Variants in WDPCP observed in about 807,000 individuals in gnomAD.
The protein encoded by WDPCP is WD repeat containing planar cell polarity effector.
WDPCP carries 71 observed loss-of-function variants against 93.1 expected under a neutral mutation model. That is an observed-to-expected ratio of 0.76 (90% confidence interval 0.63 to 0.93). WDPCP has a LOEUF of 0.93. Ranked by LOEUF, WDPCP falls within the 40% of genes least tolerant of loss-of-function variation. The probability of loss-of-function intolerance (pLI) is 0.00; values close to 1 mark genes in which losing one functional copy is unlikely to be tolerated. For synonymous variants in WDPCP, 315 were observed against 315.0 expected, an observed-to-expected ratio of 1.00 and a Z score of 0.00; for missense variants, 844 against 887.4, an observed-to-expected ratio of 0.95 and a Z score of 0.62.
At chr2:63,313,175 T>C in intron 13 of WDPCP, 73 bp downstream of exon 13, 2 of 1,426,626 alleles carry the variant, frequency 1.4e-6, no homozygotes, top group East Asian at 2.4e-5. Context: ...ACAGTAATCC[T>C]TTTTATGGTC....
chr2:63,203,661 G>A (rs1458990731), intron 14 of WDPCP, among the ~76,000 whole-genome samples: 1 of 151,964 alleles, frequency 6.6e-6, no homozygotes, highest in African/African-American at 2.4e-5. Flanking sequence ...ACCCTTCCCA[G>A]CCTCTGGTAA....
At chr2:63,585,110 A>C (rs1575704503) in intron 1 of WDPCP, among the ~76,000 whole-genome samples, 1 of 152,218 alleles carries the variant, frequency 6.6e-6, no homozygotes, top group Non-Finnish European at 1.5e-5. Context: ...AAATGTGTAC[A>C]AATTGTGTAT....
At chr2:63,419,593 C>G (rs1695692936) in intron 9 of WDPCP, among the ~76,000 whole-genome samples, 1 of 152,024 alleles carries the variant, frequency 6.6e-6, no homozygotes, top group African/African-American at 2.4e-5. Flanking sequence ...TAGAATTGAT[C>G]CAAATGCCAT....
intron 15 of WDPCP, among the ~76,000 whole-genome samples, chr2:63,166,385 C>T (rs1013213343): frequency 2.1e-5 from 3 of 144,684 alleles, no homozygotes; most frequent in African/African-American, 7.7e-5. Flanking sequence ...TTGTTGGATA[C>T]GTAGTAGGTG....
At chr2:63,419,542 T>C (rs1695690345) in intron 9 of WDPCP, among the ~76,000 whole-genome samples, 1 of 152,194 alleles carries the variant, frequency 6.6e-6, no homozygotes, top group Non-Finnish European at 1.5e-5. Context: ...ACTGAAATGA[T>C]TCATTTTCAT....
chr2:63,412,687 G>A (rs1419257869), intron 9 of WDPCP, among the ~76,000 whole-genome samples: 1 of 152,030 alleles, frequency 6.6e-6, no homozygotes, highest in Admixed American at 6.6e-5. Flanking sequence ...CAAAGTTTCT[G>A]TATACAAGAT....
intron 3 of WDPCP, chr2:63,622,085 G>GT: frequency 2.1e-6 from 1 of 472,314 alleles, no homozygotes; most frequent in South Asian, 7.7e-5. Flanking sequence ...TTTTTTTTTT[G>GT]GAAGTTGATT....
intron 1 of WDPCP, among the ~76,000 whole-genome samples, chr2:63,514,621 CATTT>C (rs1347444146): frequency 2.0e-5 from 3 of 152,114 alleles, no homozygotes; most frequent in African/African-American, 7.2e-5. Flanking sequence ...CCACAGTTAG[CATTT>C]ATTATTTAGG....
At chr2:63,184,089 A>C (rs1674449557) in intron 14 of WDPCP, among the ~76,000 whole-genome samples, 1 of 152,076 alleles carries the variant, frequency 6.6e-6, no homozygotes, top group Non-Finnish European at 1.5e-5. Flanking sequence ...CTGCCAATCT[A>C]TACCTTTTAA....
Position 63,435,786 on chromosome 2 carries a change from C to T in WDPCP, c.633+1635G>A, listed in dbSNP as rs72815396. Among the ~76,000 whole-genome samples, 490 of 152,028 alleles carry T rather than the reference C, an allele frequency of 3.2e-3. 1 individual carries two copies. The highest frequency in any genetic ancestry group is 4.7e-3 in the Non-Finnish European group (318 of 67,924). ...AAAATATACATTTTAAATATTAAAC[C>T]AGGAAATGAAATTAATGAGTTTTCC... is the stretch of plus-strand genomic sequence containing the variant. On this transcript the variant is annotated intron_variant, in intron 8 of 17. Coordinates refer to ENST00000272321, the MANE Select transcript of WDPCP (RefSeq NM_015910.7).
Position 63,404,184 on chromosome 2 carries a change from A to G in WDPCP, c.1299T>C (p.Asp433=), listed in dbSNP as rs1270416996. ...GCATTTGAACAAGACTGCTGGAGGCATCAAATAATTTACTGAATTGCAGAG... is the reference window on the plus strand; with the variant it reads ...GCATTTGAACAAGACTGCTGGAGGCGTCAAATAATTTACTGAATTGCAGAG... ...RETLQFSKLF[D]ASSSLVQMQW... The change falls in exon 10 of 18, where the codon GAT becomes GAC. Residue 433 remains aspartate (D), a synonymous_variant. Transcript: ENST00000272321. The G allele has an allele frequency of 1.2e-6, 2 of 1,613,964 alleles. No individual in the cohort carries two copies. The highest frequency in any genetic ancestry group is 8.5e-7 in the Non-Finnish European group (1 of 1,179,986).
At position 63,315,933 on chromosome 2, in the gene WDPCP, T is replaced by A. The variant is rs532646154; in HGVS notation, c.1749-2622A>T. 3.7e-5 allele frequency among the ~76,000 whole-genome samples: 4 copies of A among 109,440 alleles called. No individual in the cohort carries two copies. In the South Asian group the frequency reaches 1.1e-3, roughly 30 times the overall value. The allele number at this position is 109,440 out of a possible 152,430, so 71.8% of individuals were successfully genotyped here. ...ATGTGCCACGTTCTGGGGTAATACT[T>A]TTTTTTTTTTGTAGAAATGAGGTCT... is the stretch of plus-strand genomic sequence containing the variant. On this transcript the variant is annotated intron_variant, in intron 12 of 17. Coordinates refer to ENST00000272321, the MANE Select transcript of WDPCP (RefSeq NM_015910.7).
intron 2 of WDPCP, among the ~76,000 whole-genome samples, chr2:63,695,235 G>A (rs10209140): frequency 0.42 from 63,723 of 152,008 alleles, 14,565 homozygotes; most frequent in African/African-American, 0.59. Flanking sequence ...TCATTTCTTT[G>A]TCTCCTATGC....
intron 3 of WDPCP, chr2:63,605,195 T>C: frequency 1.1e-6 from 1 of 889,242 alleles, no homozygotes; most frequent in Non-Finnish European, 1.8e-6. Context: ...GTCATAGCTT[T>C]TCACCCCAAG....
rs907704209 is a variant in WDPCP, at chr2:63,477,099, A to G, written c.384+7505T>C. On this transcript the variant is annotated intron_variant, in intron 6 of 17. Coordinates refer to ENST00000272321, the MANE Select transcript of WDPCP (RefSeq NM_015910.7). ...CCAAAATGAACATATATGAAGTTAC[A>G]TCTATACTTAATGATAATACTGTTT... 1.2e-4 allele frequency among the ~76,000 whole-genome samples: 19 copies of G among 152,314 alleles called. No individual in the cohort carries two copies. The East Asian group carries it at 1.9e-3, about 15-fold the overall frequency.
intron 16 of WDPCP, chr2:63,153,201 A>G: frequency 1.8e-6 from 1 of 554,344 alleles, no homozygotes; most frequent in Non-Finnish European, 3.2e-6. Context: ...GCAGCATATC[A>G]CTTGAGAGCT....
At chr2:63,381,880 T>A (rs1282576328) in intron 11 of WDPCP, 26 bp downstream of exon 11, 1 of 1,609,580 alleles carries the variant, frequency 6.2e-7, no homozygotes, top group Non-Finnish European at 8.5e-7. Context: ...ACAAAACTCA[T>A]CAATGAAAAA....
intron 1 of WDPCP, among the ~76,000 whole-genome samples, chr2:63,538,273 A>T (rs547506259): frequency 3.9e-5 from 6 of 152,162 alleles, no homozygotes; most frequent in Non-Finnish European, 8.8e-5. Flanking sequence ...AAAAATTACA[A>T]AATTAGATGT....
intron 1 of WDPCP, among the ~76,000 whole-genome samples, chr2:63,531,826 C>T (rs768841630): frequency 2.6e-5 from 4 of 152,248 alleles, no homozygotes; most frequent in East Asian, 1.9e-4. Flanking sequence ...CGCAGCTCCT[C>T]GCCAGCAGCA....
Sources: gnomAD v4.1 joint callset for allele counts (sites outside exome capture counted in the v4.1 genomes callset) on GRCh38, gnomAD v4.1.1 for gene constraint, MANE v1.5 for transcripts, NCBI Gene and HGNC (gene_info 2026-07-23, HGNC 2026-07-21) for gene names.